Variants in PLEKHA5 observed in about 807,000 individuals in gnomAD.
PLEKHA5 encodes pleckstrin homology domain-containing family A member 5.
Under a neutral mutation model 181.9 loss-of-function variants are expected in PLEKHA5, and 55 were observed. The observed-to-expected ratio is 0.30, with a 90% CI of 0.24 to 0.38. The LOEUF (loss-of-function observed/expected upper bound fraction) is 0.38, where lower values mean the gene tolerates loss of function less well. PLEKHA5 is among the 10% of genes least tolerant of loss of function. The pLI is 1.00. For synonymous variants in PLEKHA5, 535 were observed against 529.4 expected, an observed-to-expected ratio of 1.01 and a Z score of -0.15; for missense variants, 1,432 against 1,549.5, an observed-to-expected ratio of 0.92 and a Z score of 1.27.
At chr12:19,319,769 G>T (rs375998633) in intron 16 of PLEKHA5, 1 of 300,700 alleles carries the variant, frequency 3.3e-6, no homozygotes, top group Non-Finnish European at 6.1e-6. Flanking sequence ...TTGAAATCTT[G>T]CTAAGCACAA....
At chr12:19,360,433 C>A (rs2095178754) in intron 28 of PLEKHA5, among the ~76,000 whole-genome samples, 1 of 151,790 alleles carries the variant, frequency 6.6e-6, no homozygotes. Context: ...TAGTGAAACC[C>A]CATATCTACT....
At chr12:19,309,117 A>G (rs1429002384) in intron 15 of PLEKHA5, among the ~76,000 whole-genome samples, 1 of 152,058 alleles carries the variant, frequency 6.6e-6, no homozygotes, top group Non-Finnish European at 1.5e-5. Flanking sequence ...CTTGTAGCAA[A>G]ATTTTTGTGA....
chr12:19,269,916 T>G, intron 9 of PLEKHA5, 31 bp downstream of exon 9: 1 of 1,131,112 alleles, frequency 8.8e-7, no homozygotes, highest in Non-Finnish European at 1.3e-6. Context: ...TGATGGTGAT[T>G]TCCACTTCCA....
chr12:19,235,743 G>A (rs909680905), intron 3 of PLEKHA5, among the ~76,000 whole-genome samples: 1 of 152,060 alleles, frequency 6.6e-6, no homozygotes, highest in South Asian at 2.1e-4. Context: ...GTGTGAATAG[G>A]CATATGAAGA....
chr12:19,230,406 C>T (rs566404708), intron 3 of PLEKHA5, among the ~76,000 whole-genome samples: 133 of 152,234 alleles, frequency 8.7e-4, no homozygotes, highest in African/African-American at 3.1e-3. Context: ...CGTCGCAGAG[C>T]GGGGGCGGTG....
intron 30 of PLEKHA5, among the ~76,000 whole-genome samples, chr12:19,367,263 T>C (rs1188362434): frequency 1.6e-4 from 14 of 85,016 alleles, no homozygotes; most frequent in African/African-American, 3.7e-4. Flanking sequence ...TTCTTCTTTT[T>C]TTTTTTTTTT....
At chr12:19,147,596 CTTTT>C (rs71064060) in intron 3 of PLEKHA5, among the ~76,000 whole-genome samples, 2 of 137,606 alleles carry the variant, frequency 1.5e-5, no homozygotes, top group Non-Finnish European at 1.6e-5. Flanking sequence ...TTTCTTTTTT[CTTTT>C]TTTTTTTTTT....
In PLEKHA5 at chr12:19,130,279, G is replaced by C; in HGVS notation, c.169+149G>C. 1 of 358,054 alleles carries C rather than the reference G, an allele frequency of 2.8e-6. No homozygotes were observed. 22.2% of individuals were successfully genotyped at this position (358,054 alleles called of 1,614,324 possible). A position where few individuals can be genotyped will look rare whatever the true frequency, so the allele number is the denominator to read the frequency against. On this transcript the variant is annotated intron_variant, in intron 2 of 31. Transcript: ENST00000429027. The surrounding 1 kb of genome is among the most constrained non-coding windows in gnomAD (Gnocchi z 4.5). ...CGGGCGGGAGCGGCCGCAGGTAGAGGGGCCACGGGGACTCCGCCGCCGGGA... is the reference window on the plus strand; with the variant it reads ...CGGGCGGGAGCGGCCGCAGGTAGAGCGGCCACGGGGACTCCGCCGCCGGGA...
chr12:19,337,832 G>T (rs2153139454), intron 21 of PLEKHA5, among the ~76,000 whole-genome samples: 1 of 152,082 alleles, frequency 6.6e-6, no homozygotes, highest in South Asian at 2.1e-4. Flanking sequence ...AGGAGCTCAA[G>T]ACCAGCCTGG....
intron 3 of PLEKHA5, among the ~76,000 whole-genome samples, chr12:19,147,855 G>T (rs2039337179): frequency 6.6e-6 from 1 of 151,934 alleles, no homozygotes. Context: ...TTCTGCCTCA[G>T]CCTCCCGAGT....
chr12:19,248,517 A>G (rs915626071), intron 3 of PLEKHA5, among the ~76,000 whole-genome samples: 3 of 152,078 alleles, frequency 2.0e-5, no homozygotes, highest in Admixed American at 1.3e-4. Context: ...CTGTGTTTAG[A>G]TATATTTAGA....
intron 3 of PLEKHA5, among the ~76,000 whole-genome samples, chr12:19,192,335 TAATGA>T (rs2051345369): frequency 6.6e-6 from 1 of 152,256 alleles, no homozygotes; most frequent in South Asian, 2.1e-4. Context: ...TCACTTTAGT[TAATGA>T]AATGTGGAAT....
intron 3 of PLEKHA5, among the ~76,000 whole-genome samples, chr12:19,180,808 A>T (rs1591959139): frequency 1.3e-5 from 2 of 148,276 alleles, no homozygotes; most frequent in South Asian, 2.1e-4. Context: ...TTTTTTTTTT[A>T]AACTGTATTC....
intron 25 of PLEKHA5, among the ~76,000 whole-genome samples, chr12:19,349,013 G>A (rs1238092660): frequency 2.0e-5 from 3 of 150,706 alleles, no homozygotes; most frequent in Non-Finnish European, 4.4e-5. Flanking sequence ...TAAGAAATAA[G>A]TTTATGTCAA....
At chr12:19,218,902 T>A (rs1454692543) in intron 3 of PLEKHA5, among the ~76,000 whole-genome samples, 6 of 58,652 alleles carry the variant, frequency 1.0e-4, no homozygotes, top group Non-Finnish European at 3.1e-4. Flanking sequence ...TAATTATTAT[T>A]ATTATTTTTT....
chr12:19,231,925 A>C (rs1281911789), intron 3 of PLEKHA5, among the ~76,000 whole-genome samples: 1 of 152,072 alleles, frequency 6.6e-6, no homozygotes, highest in Non-Finnish European at 1.5e-5. Flanking sequence ...CATCGAGAAA[A>C]ATTGTCTTCA....
intron 3 of PLEKHA5, among the ~76,000 whole-genome samples, chr12:19,159,114 A>T (rs1463413950): frequency 6.6e-6 from 1 of 152,208 alleles, no homozygotes; most frequent in South Asian, 2.1e-4. Context: ...TCATAAAAAA[A>T]GAGTTTGTTA....
At chr12:19,150,306 T>A (rs2040076456) in intron 3 of PLEKHA5, 1 of 152,172 alleles carries the variant, frequency 6.6e-6, no homozygotes, top group Non-Finnish European at 1.5e-5. Flanking sequence ...CCAAAATAGA[T>A]CTGACTGATT....
chr12:19,272,006 T>C (rs1481600882), intron 10 of PLEKHA5, among the ~76,000 whole-genome samples: 1 of 152,216 alleles, frequency 6.6e-6, no homozygotes, highest in Non-Finnish European at 1.5e-5. Context: ...CTCATTTTGC[T>C]GTATGGCTCA....
Sources: gnomAD v4.1 joint callset for allele counts (sites outside exome capture counted in the v4.1 genomes callset) on GRCh38, gnomAD v4.1.1 for gene constraint, Gnocchi (gnomAD v3.1) non-coding constraint, MANE v1.5 for transcripts, NCBI Gene and HGNC (gene_info 2026-07-23, HGNC 2026-07-21) for gene names.